Variants in MITF observed in about 807,000 individuals in gnomAD.
MITF encodes the protein melanocyte inducing transcription factor.
MITF carries 17 observed loss-of-function variants against 60.5 expected under a neutral mutation model. The ratio of observed to expected loss-of-function variants is 0.28; its 90% CI spans 0.19 to 0.42. MITF has a LOEUF of 0.42. Among genes scored for constraint, MITF ranks in the 10% least tolerant of loss-of-function variants. The pLI is 1.00. For synonymous variants in MITF, 260 were observed against 248.5 expected (o/e 1.05, Z -0.43); for missense variants, 622 against 683.5 (o/e 0.91, Z 1.00).
chr3:69,885,531 G>A (rs1375161006), intron 2 of MITF, among the ~76,000 whole-genome samples: 2 of 151,952 alleles, frequency 1.3e-5, no homozygotes, highest in Non-Finnish European at 2.9e-5. Context: ...CAACAGGGGC[G>A]AAGTCACTCC....
intron 6 of MITF, among the ~76,000 whole-genome samples, chr3:69,950,787 A>C (rs1415758058): frequency 6.6e-6 from 1 of 152,008 alleles, no homozygotes; most frequent in Non-Finnish European, 1.5e-5. Context: ...GTCAAGTAAC[A>C]TGTTTTGTTT....
At chr3:69,781,725 T>C (rs1023382994) in intron 1 of MITF, among the ~76,000 whole-genome samples, 12 of 152,202 alleles carry the variant, frequency 7.9e-5, no homozygotes, top group Admixed American at 7.8e-4. Context: ...ACAAGATCTC[T>C]GTTCCCAAGC....
At chr3:69,916,764 G>T (rs567840084) in intron 2 of MITF, among the ~76,000 whole-genome samples, 9 of 152,112 alleles carry the variant, frequency 5.9e-5, no homozygotes, top group South Asian at 2.1e-4. Context: ...AAAAAGTTTC[G>T]ATTTCATCAC....
chr3:69,741,331 C>T (rs1167087689), intron 1 of MITF, among the ~76,000 whole-genome samples: 2 of 152,106 alleles, frequency 1.3e-5, no homozygotes, highest in East Asian at 3.9e-4. Flanking sequence ...GCTTACACGG[C>T]CAGAATGAGG....
At chr3:69,837,984 G>A (rs540605483) in intron 1 of MITF, among the ~76,000 whole-genome samples, 1 of 152,246 alleles carries the variant, frequency 6.6e-6, no homozygotes, top group East Asian at 1.9e-4. Flanking sequence ...TTCTGGAAGG[G>A]TGCATTCAAA....
rs80347255 is a variant in MITF, at chr3:69,863,912, T to A, written c.105-15222T>A. ...AAGTTTCTGATATGGTTATTCCCTA[T>A]CCTTTCTTTATTTCTTGCTCTTCCA... On this transcript the variant is annotated intron_variant, in intron 1 of 9. Coordinates refer to ENST00000352241, the MANE Select transcript of MITF (RefSeq NM_001354604.2). Among the ~76,000 whole-genome samples the A allele has an allele frequency of 2.6e-4, 40 of 152,322 alleles. 2 individuals are homozygous for A. In the East Asian group the frequency reaches 7.1e-3, roughly 27 times the overall value.
chr3:69,792,595 A>G (rs1559632966), intron 1 of MITF, among the ~76,000 whole-genome samples: 1 of 152,194 alleles, frequency 6.6e-6, no homozygotes, highest in Admixed American at 6.5e-5. Context: ...CAACCCATGC[A>G]AATAAGATAT....
chr3:69,905,358 CCA>C (rs1477236516), intron 2 of MITF, among the ~76,000 whole-genome samples: 1 of 151,986 alleles, frequency 6.6e-6, no homozygotes, highest in Non-Finnish European at 1.5e-5. Context: ...TATAGGCAGA[CCA>C]CAGTTTTTTT....
intron 1 of MITF, among the ~76,000 whole-genome samples, chr3:69,847,387 G>A (rs1348864765): frequency 6.6e-6 from 1 of 152,190 alleles, no homozygotes; most frequent in African/African-American, 2.4e-5. Flanking sequence ...AGAACTAGAG[G>A]AGATTGAAAA....
chr3:69,923,140 TA>T (rs1196881971), intron 2 of MITF, among the ~76,000 whole-genome samples: 3 of 152,142 alleles, frequency 2.0e-5, no homozygotes, highest in African/African-American at 7.2e-5. Context: ...AAAGCAGAAA[TA>T]ATTCCGTTGA....
At chr3:69,764,535 T>G (rs1050105187) in intron 1 of MITF, among the ~76,000 whole-genome samples, 1 of 152,232 alleles carries the variant, frequency 6.6e-6, no homozygotes, top group Admixed American at 6.5e-5. Context: ...TTTTCCTTTT[T>G]CTGTTATACT....
At chr3:69,938,687 A>G in intron 3 of MITF, 1 of 1,307,506 alleles carries the variant, frequency 7.6e-7, no homozygotes, top group East Asian at 3.1e-5. Context: ...TTGGTGCATC[A>G]AAATTTGCAG....
chr3:69,928,056 A>C (rs926513493), intron 2 of MITF, among the ~76,000 whole-genome samples: 3 of 152,264 alleles, frequency 2.0e-5, no homozygotes, highest in Admixed American at 1.3e-4. Flanking sequence ...GCCATAGACT[A>C]TACTTAAATG....
intron 2 of MITF, among the ~76,000 whole-genome samples, chr3:69,890,503 T>C (rs933779104): frequency 1.3e-5 from 2 of 152,194 alleles, no homozygotes; most frequent in Non-Finnish European, 2.9e-5. Context: ...GATTAGTTAA[T>C]CATACATTGT....
chr3:69,922,913 A>C (rs755249005), intron 2 of MITF, among the ~76,000 whole-genome samples: 10 of 152,164 alleles, frequency 6.6e-5, no homozygotes, highest in South Asian at 2.1e-4. Context: ...ACAAATGTCC[A>C]TATTGACTTT....
intron 2 of MITF, among the ~76,000 whole-genome samples, chr3:69,910,005 C>T (rs111277122): frequency 0.021 from 3,179 of 152,306 alleles, 110 homozygotes; most frequent in African/African-American, 0.072. Flanking sequence ...CAGAGACCTT[C>T]ATGGCAGCCC....
intron 1 of MITF, chr3:69,763,900 A>T (rs1478378726): frequency 4.4e-6 from 6 of 1,377,624 alleles, no homozygotes; most frequent in African/African-American, 1.4e-5. Context: ...TCTCTCTGTG[A>T]AAAGGAAACC....
intron 4 of MITF, among the ~76,000 whole-genome samples, chr3:69,940,782 G>A (rs2065950159): frequency 6.6e-6 from 1 of 152,218 alleles, no homozygotes; most frequent in Non-Finnish European, 1.5e-5. Flanking sequence ...AAGTGCTGTG[G>A]TACATCTCTC....
chr3:69,814,379 CGTGCAGTG>C (rs1204089101), intron 1 of MITF, among the ~76,000 whole-genome samples: 2 of 152,086 alleles, frequency 1.3e-5, no homozygotes, highest in Non-Finnish European at 2.9e-5. Context: ...CCTAGGACGG[CGTGCAGTG>C]GTGTAATCAT....
Sources: gnomAD v4.1 joint callset for allele counts (sites outside exome capture counted in the v4.1 genomes callset) on GRCh38, gnomAD v4.1.1 for gene constraint, MANE v1.5 for transcripts, NCBI Gene and HGNC (gene_info 2026-07-23, HGNC 2026-07-21) for gene names.